MALAT1: variants seen among roughly 807,000 people sequenced by gnomAD.
MALAT1 encodes the protein metastasis associated lung adenocarcinoma transcript 1.
intron 3 of MALAT1, chr11:65,504,223 T>C (rs761039657): frequency 7.7e-6 from 4 of 518,460 alleles, no homozygotes; most frequent in South Asian, 5.6e-5. Context: ...GTATGAGACC[T>C]TGCAGTGAGT....
intron 3 of MALAT1, chr11:65,505,338 C>T (rs751685136): frequency 1.9e-6 from 1 of 518,732 alleles, no homozygotes; most frequent in Non-Finnish European, 3.8e-6. Context: ...GCCTCAACTC[C>T]CTCTTTCTGG....
Position 65,506,097 on chromosome 11 carries a change from TAAA to T in MALAT1, n.5169-152_5169-150del, listed in dbSNP as rs11367099. ...TTTGCTTTTTGGCCTTTTTCTAGCT[TAAA>T]AAAAAAAAAAGCAAAAGATGCTGGT... On this transcript the variant is annotated intron_variant and non_coding_transcript_variant, in intron 3 of 3. Coordinates refer to ENST00000619449, the Ensembl canonical transcript of MALAT1. 1,088 of 353,864 alleles carry T rather than the reference TAAA, an allele frequency of 3.1e-3. 8 individuals are homozygous for T. The highest frequency in any genetic ancestry group is 0.022 in the African/African-American group (932 of 43,028). The allele number at this position is 353,864 out of a possible 1,614,324, so 21.9% of individuals were successfully genotyped here.
At chr11:65,500,748 G>A (rs1854527168) in exon 3 of MALAT1, 2 of 518,894 alleles carry the variant, frequency 3.9e-6, no homozygotes, top group Non-Finnish European at 7.7e-6. Flanking sequence ...AAGGCCACAG[G>A]GAAAGCGAGT....
At chr11:65,501,059 A>G (rs370703786) in exon 3 of MALAT1, 27 of 508,564 alleles carry the variant, frequency 5.3e-5, no homozygotes, top group Non-Finnish European at 9.7e-5. Context: ...TTGATAGCCA[A>G]ATTGAGACAA....
At chr11:65,500,607 GAAAA>G in exon 3 of MALAT1, 1 of 518,924 alleles carries the variant, frequency 1.9e-6, no homozygotes, top group Non-Finnish European at 3.8e-6. Context: ...GTGAAGCTAG[GAAAA>G]AGGATTCCAG....
chr11:65,504,403 C>T (rs200341263), intron 3 of MALAT1: 12 of 518,492 alleles, frequency 2.3e-5, no homozygotes, highest in Non-Finnish European at 4.2e-5. Context: ...TGTTCTGATC[C>T]CGCTGCTATT....
chr11:65,504,764 A>T (rs1419309023), intron 3 of MALAT1: 1 of 518,916 alleles, frequency 1.9e-6, no homozygotes, highest in Non-Finnish European at 3.8e-6. Context: ...TCTTTAGTGC[A>T]TTGTTTATGT....
At chr11:65,499,072 T>C (rs534615613) in exon 3 of MALAT1, 3 of 518,218 alleles carry the variant, frequency 5.8e-6, no homozygotes, top group Non-Finnish European at 1.2e-5. Context: ...GCGCAGGGGC[T>C]TCTGCTGAGG....
At chr11:65,501,348 A>T in exon 3 of MALAT1, 1 of 518,842 alleles carries the variant, frequency 1.9e-6, no homozygotes, top group Non-Finnish European at 3.8e-6. Context: ...TATCAGGATA[A>T]TCAGACCACC....
At chr11:65,499,508 C>G (rs985258830) in exon 3 of MALAT1, 3 of 463,770 alleles carry the variant, frequency 6.5e-6, no homozygotes, top group African/African-American at 4.0e-5. Context: ...GAGATTAAAC[C>G]GAAGGTGATT....
exon 3 of MALAT1, chr11:65,499,244 T>G (rs752120020): frequency 7.9e-6 from 4 of 505,768 alleles, no homozygotes; most frequent in Non-Finnish European, 1.6e-5. Flanking sequence ...AGAGAAAATA[T>G]GAAGACTTAG....
At chr11:65,502,219 C>T (rs536928809) in exon 3 of MALAT1, 3 of 518,794 alleles carry the variant, frequency 5.8e-6, no homozygotes, top group Non-Finnish European at 1.2e-5. Flanking sequence ...CTGACATTAA[C>T]TACAATTATG....
At chr11:65,499,665 A>C in exon 3 of MALAT1, 1 of 435,340 alleles carries the variant, frequency 2.3e-6, no homozygotes, top group Non-Finnish European at 4.5e-6. Context: ...GAAGTGGAAA[A>C]CTGGAAGACA....
exon 3 of MALAT1, chr11:65,499,023 C>T (rs926103719): frequency 5.8e-6 from 3 of 518,564 alleles, no homozygotes; most frequent in Non-Finnish European, 1.2e-5. Context: ...TCTATAAATA[C>T]GCCTCGCCCG....
chr11:65,499,503 T>C (rs767287760), exon 3 of MALAT1: 3 of 464,760 alleles, frequency 6.5e-6, no homozygotes, highest in Non-Finnish European at 1.3e-5. Flanking sequence ...AAAAAGAGAT[T>C]AAACCGAAGG....
chr11:65,502,478 G>A (rs769229704), exon 3 of MALAT1: 1 of 492,644 alleles, frequency 2.0e-6, no homozygotes, highest in Non-Finnish European at 3.9e-6. Flanking sequence ...TGCAAAACAA[G>A]ATGTTAAGGT....
exon 3 of MALAT1, chr11:65,500,533 C>G: frequency 3.9e-6 from 2 of 518,828 alleles, no homozygotes; most frequent in South Asian, 1.4e-5. Context: ...GGAAAAGAGT[C>G]CAGGAGCCAG....
intron 2 of MALAT1, chr11:65,498,915 T>C: frequency 1.9e-6 from 1 of 518,724 alleles, no homozygotes; most frequent in Non-Finnish European, 3.8e-6. Context: ...TCTAGAAAAG[T>C]AAAACTAGAA....
exon 3 of MALAT1, chr11:65,499,960 C>T (rs1387712568): frequency 2.3e-6 from 1 of 427,726 alleles, no homozygotes; most frequent in Admixed American, 3.0e-5. Flanking sequence ...AAATATAAAG[C>T]CAAAAATTGG....
Sources: gnomAD v4.1 joint callset for allele counts on GRCh38, gnomAD v4.1.1 for gene constraint, MANE v1.5 for transcripts, NCBI Gene and HGNC (gene_info 2026-07-23, HGNC 2026-07-21) for gene names.